TOP1: variants seen among roughly 807,000 people sequenced by gnomAD.
TOP1 encodes DNA topoisomerase I.
A neutral mutation model predicts 111.1 loss-of-function variants in TOP1; 10 were observed. That is an observed-to-expected ratio of 0.09 (90% confidence interval 0.06 to 0.15). The LOEUF is 0.15. Ranked by LOEUF, TOP1 falls within the 10% of genes least tolerant of loss-of-function variation. The pLI is 1.00. For synonymous variants in TOP1, 271 were observed against 302.9 expected, an observed-to-expected ratio of 0.89 and a Z score of 1.10; for missense variants, 474 against 926.7, an observed-to-expected ratio of 0.51 and a Z score of 6.34.
rs181300569 is a variant in TOP1, at chr20:41,050,689, C to T, written c.59-10705C>T. Among the ~76,000 whole-genome samples, 500 of 152,282 alleles carry T rather than the reference C, an allele frequency of 3.3e-3. 1 individual carries two copies. The highest frequency in any genetic ancestry group is 3.5e-3 in the Non-Finnish European group (238 of 68,016). ...CTTGTTTTTACTCCTCAACCATTCC[C>T]CTTTTAATGATGACAAGTTTTCAGG... On this transcript the variant is annotated intron_variant, in intron 2 of 20. Transcript: ENST00000361337.
At chr20:41,111,597 G>GC (rs1290897472) in intron 13 of TOP1, among the ~76,000 whole-genome samples, 11,072 of 58,286 alleles carry the variant, frequency 0.19, 820 homozygotes, top group African/African-American at 0.35. Context: ...CCCACCCCCC[G>GC]CCCCCTTTTT....
intron 11 of TOP1, among the ~76,000 whole-genome samples, chr20:41,099,725 T>C (rs372333223): frequency 3.1e-4 from 47 of 152,352 alleles, no homozygotes; most frequent in African/African-American, 1.1e-3. Flanking sequence ...CTCTTCTCCA[T>C]TTCCTGTTTT....
At chr20:41,042,039 C>T (rs752335280) in intron 2 of TOP1, among the ~76,000 whole-genome samples, 13 of 151,924 alleles carry the variant, frequency 8.6e-5, no homozygotes, top group Admixed American at 1.3e-4. Context: ...CTCCTGAGTA[C>T]CTGGGATTAC....
chr20:41,041,751 G>A (rs1457982392), intron 2 of TOP1, among the ~76,000 whole-genome samples: 1 of 152,134 alleles, frequency 6.6e-6, no homozygotes, highest in Non-Finnish European at 1.5e-5. Context: ...AAATGATTCT[G>A]ACTAATGCAG....
intron 5 of TOP1, 23 bp downstream of exon 5, chr20:41,077,660 G>T (rs1237923654): frequency 1.2e-6 from 2 of 1,611,502 alleles, no homozygotes; most frequent in Admixed American, 3.3e-5. Context: ...TGCTGCGTGG[G>T]CTTCCCTTTC....
chr20:41,121,911 C>G lies in TOP1; in HGVS notation c.2046-95C>G. ...GAAATGTCTTTTGGAAATCTCTATACTAGGGCTTTTATTGACTCAAAGTGG... is the reference window on the plus strand; with the variant it reads ...GAAATGTCTTTTGGAAATCTCTATAGTAGGGCTTTTATTGACTCAAAGTGG... On this transcript the variant is annotated intron_variant, in intron 19 of 20. Coordinates refer to ENST00000361337, the MANE Select transcript of TOP1 (RefSeq NM_003286.4). This position sits in a 1 kb window ranked among gnomAD's most constrained non-coding sequence, Gnocchi z 4.2. 6.4e-7 allele frequency: 1 copy of G among 1,564,372 alleles called. No individual in the cohort carries two copies. Among genetic ancestry groups the G allele is most frequent in the East Asian group, 2.2e-5 (1 of 44,620 alleles).
At chr20:41,081,694 T>C (rs192310591) in intron 7 of TOP1, among the ~76,000 whole-genome samples, 13 of 152,308 alleles carry the variant, frequency 8.5e-5, no homozygotes, top group Non-Finnish European at 1.9e-4. Flanking sequence ...CCCAAACTCT[T>C]TACTGCAGCT....
At chr20:41,050,349 G>T (rs6129740) in intron 2 of TOP1, among the ~76,000 whole-genome samples, 13 of 152,174 alleles carry the variant, frequency 8.5e-5, no homozygotes, top group African/African-American at 3.1e-4. Context: ...GGTTTCTTTA[G>T]AGCTGAATCC....
At chr20:41,103,858 TG>T (rs2034103183) in intron 13 of TOP1, among the ~76,000 whole-genome samples, 1 of 151,728 alleles carries the variant, frequency 6.6e-6, no homozygotes, top group African/African-American at 2.4e-5. Context: ...TCATCTTAAA[TG>T]TTAACTCTTC....
At chr20:41,035,348 A>G (rs578220843) in intron 2 of TOP1, among the ~76,000 whole-genome samples, 2 of 152,242 alleles carry the variant, frequency 1.3e-5, no homozygotes, top group Non-Finnish European at 2.9e-5. Context: ...AGGCATCTCT[A>G]CCAGGCAATT....
chr20:41,058,158 C>G lies in TOP1; in HGVS notation c.59-3236C>G, dbSNP rs1311477288. ...TACGGTCATGCAGATTTCTATTTTC[C>G]CAGGGCCTGACACAGAATAGATGCT... On this transcript the variant is annotated intron_variant, in intron 2 of 20. Transcript: ENST00000361337. The surrounding 1 kb of genome is among the most constrained non-coding windows in gnomAD (Gnocchi z 4.2). Among the ~76,000 whole-genome samples the G allele has an allele frequency of 6.6e-6, 1 of 152,156 alleles. No homozygotes were observed. The highest frequency in any genetic ancestry group is 1.9e-4 in the East Asian group (1 of 5,194).
rs1237640629 is a variant in TOP1 at position 41,100,395 on chromosome 20, T to G, written c.1163+152T>G. 1 of 602,296 alleles carries G rather than the reference T, an allele frequency of 1.7e-6. No individual in the cohort carries two copies. The highest frequency in any genetic ancestry group is 2.7e-6 in the Non-Finnish European group (1 of 365,616). 37.3% of individuals were successfully genotyped at this position (602,296 alleles called of 1,614,324 possible). ...TCATGCGTAGGTCTCCAGATGTTTT[T>G]GAGGTACAGTTGTCTCCCCTCATCC... On this transcript the variant is annotated intron_variant, in intron 12 of 20. Transcript: ENST00000361337. The surrounding 1 kb of genome is among the most constrained non-coding windows in gnomAD (Gnocchi z 4.4).
chr20:41,070,125 A>G (rs1458050701), intron 3 of TOP1, among the ~76,000 whole-genome samples: 1 of 152,246 alleles, frequency 6.6e-6, no homozygotes, highest in Non-Finnish European at 1.5e-5. Context: ...GCCACTGGAA[A>G]TACTTGAGCA....
Position 41,090,583 on chromosome 20 carries a change from A to G in TOP1, c.615-1889A>G, listed in dbSNP as rs567947098. Among the ~76,000 whole-genome samples the G allele has an allele frequency of 5.8e-4, 88 of 152,160 alleles. 1 individual carries two copies. The highest frequency in any genetic ancestry group is 1.9e-3 in the African/African-American group (77 of 41,534). The stretch of plus-strand genomic sequence containing the variant: ...AGTCACGTGATCTCGGCTCACTGCA[A>G]CCTTCACCTCCCAGGTTCAAACGAT... On this transcript the variant is annotated intron_variant, in intron 8 of 20. Coordinates refer to ENST00000361337, the MANE Select transcript of TOP1 (RefSeq NM_003286.4).
chr20:41,029,809 T>A lies in TOP1; in HGVS notation c.58+354T>A. The A allele has an allele frequency of 2.9e-6, 1 of 340,458 alleles. No homozygotes were observed. Among genetic ancestry groups the A allele is most frequent in the Non-Finnish European group, 5.5e-6 (1 of 180,420 alleles). The allele number at this position is 340,458 out of a possible 1,614,324, so 21.1% of individuals were successfully genotyped here. A position where few individuals can be genotyped will look rare whatever the true frequency, so the allele number is the denominator to read the frequency against. ...TTCTCTCTCCTCTCCTTTCTGTGCC[T>A]GTGTCTCTTTCTCTCCCTCCCTCGG... On this transcript the variant is annotated intron_variant, in intron 2 of 20. Transcript: ENST00000361337. The surrounding 1 kb of genome is among the most constrained non-coding windows in gnomAD (Gnocchi z 6.1).
intron 2 of TOP1, among the ~76,000 whole-genome samples, chr20:41,037,050 T>G (rs533714892): frequency 6.6e-6 from 1 of 152,118 alleles, no homozygotes; most frequent in Non-Finnish European, 1.5e-5. Context: ...CAGGATGGTC[T>G]CGATCTCCTG....
rs962501287 is a variant in TOP1, at chr20:41,106,809, G to C, written c.1308+5456G>C. Among the ~76,000 whole-genome samples, 1 of 152,066 alleles carries C rather than the reference G, an allele frequency of 6.6e-6. No homozygotes were observed. The highest frequency in any genetic ancestry group is 6.5e-5 in the Admixed American group (1 of 15,274). ...TGAACTCTTAGTTCTAAAAGTGTCT[G>C]TCATTTGGGGTTTCTATGTAGATAA... On this transcript the variant is annotated intron_variant, in intron 13 of 20. Transcript: ENST00000361337. The surrounding 1 kb of genome is among the most constrained non-coding windows in gnomAD (Gnocchi z 4.3).
intron 3 of TOP1, among the ~76,000 whole-genome samples, chr20:41,062,375 C>T (rs1056655194): frequency 6.6e-6 from 1 of 152,156 alleles, no homozygotes; most frequent in African/African-American, 2.4e-5. Flanking sequence ...TGTTCTTTTT[C>T]GCGAATCATT....
At chr20:41,074,533 A>G (rs2033703296) in intron 3 of TOP1, among the ~76,000 whole-genome samples, 1 of 151,952 alleles carries the variant, frequency 6.6e-6, no homozygotes, top group South Asian at 2.1e-4. Flanking sequence ...GTCTTTCCTA[A>G]CCTATAGTGT....
Sources: gnomAD v4.1 joint callset for allele counts (sites outside exome capture counted in the v4.1 genomes callset) on GRCh38, gnomAD v4.1.1 for gene constraint, Gnocchi (gnomAD v3.1) non-coding constraint, MANE v1.5 for transcripts, NCBI Gene and HGNC (gene_info 2026-07-23, HGNC 2026-07-21) for gene names.